SYNPO2: variants seen among roughly 807,000 people sequenced by gnomAD.
SYNPO2 encodes the protein synaptopodin-2.
SYNPO2 carries 56 observed loss-of-function variants against 85.0 expected under a neutral mutation model. That is an observed-to-expected ratio of 0.66 (90% CI 0.53 to 0.82). SYNPO2 has a LOEUF of 0.82. SYNPO2 is among the 40% of genes least tolerant of loss of function. SYNPO2 has a pLI of 0.00. For missense variants in SYNPO2, 1,575 were observed against 1,534.2 expected, an observed-to-expected ratio of 1.03 and a Z score of -0.44; for synonymous variants, 602 against 591.1, an observed-to-expected ratio of 1.02 and a Z score of -0.27.
rs112123346 is a variant in SYNPO2, at chr4:119,011,669, A to G, written c.106-11761A>G. Among the ~76,000 whole-genome samples the G allele has an allele frequency of 5.8e-4, 89 of 152,358 alleles. 1 individual carries two copies. The highest frequency in any genetic ancestry group is 2.1e-3 in the African/African-American group (87 of 41,580). On this transcript the variant is annotated intron_variant, in intron 1 of 4. Transcript: ENST00000307142. ...TTGACCCAGGTATTAAGAAAAGTTG[A>G]TACAGACATTTGGGTAAAATTCAAT...
At chr4:119,025,014 A>G (rs1283965809) in intron 2 of SYNPO2, among the ~76,000 whole-genome samples, 1 of 152,232 alleles carries the variant, frequency 6.6e-6, no homozygotes, top group Non-Finnish European at 1.5e-5. Flanking sequence ...TAAATTGTGG[A>G]CTTGATGAAT....
chr4:118,950,188 C>A lies in SYNPO2; in HGVS notation c.105+61047C>A, dbSNP rs1734650755. ...ATTTGTAATAAGTTTTAGTGTATAACACCCACAAAAGGCAAGTATATTTAA... is the reference window on the plus strand; with the variant it reads ...ATTTGTAATAAGTTTTAGTGTATAAAACCCACAAAAGGCAAGTATATTTAA... On this transcript the variant is annotated intron_variant, in intron 1 of 4. Transcript: ENST00000307142. 2.6e-5 allele frequency among the ~76,000 whole-genome samples: 4 copies of A among 152,174 alleles called. No homozygotes were observed. In the South Asian group the frequency reaches 8.3e-4, roughly 32 times the overall value.
chr4:118,913,176 A>G (rs1404463933), intron 1 of SYNPO2, among the ~76,000 whole-genome samples: 2 of 152,228 alleles, frequency 1.3e-5, no homozygotes, highest in Non-Finnish European at 2.9e-5. Context: ...TAACTATTAT[A>G]CAAGATGACA....
At chr4:119,045,723 C>T (rs1245064633) in intron 4 of SYNPO2, among the ~76,000 whole-genome samples, 1 of 152,136 alleles carries the variant, frequency 6.6e-6, no homozygotes, top group Non-Finnish European at 1.5e-5. Flanking sequence ...TTAAACTAGA[C>T]TTTTATGAAA....
chr4:118,864,003 T>A (rs1382059807), intron 1 of SYNPO2, among the ~76,000 whole-genome samples: 1 of 152,236 alleles, frequency 6.6e-6, no homozygotes, highest in East Asian at 1.9e-4. Context: ...ATTTTGGGTT[T>A]GGTTTGCTCT....
At chr4:118,921,291 T>C (rs922530118) in intron 1 of SYNPO2, among the ~76,000 whole-genome samples, 1 of 152,158 alleles carries the variant, frequency 6.6e-6, no homozygotes, top group Non-Finnish European at 1.5e-5. Flanking sequence ...CTCTACATGC[T>C]ATCCCTTAGA....
upstream of SYNPO2, among the ~76,000 whole-genome samples, chr4:118,885,789 T>C (rs1732188757): frequency 6.6e-6 from 1 of 152,188 alleles, no homozygotes; most frequent in Admixed American, 6.5e-5. Context: ...GCCAGATCCA[T>C]AGGTCTTAAT....
intron 4 of SYNPO2, among the ~76,000 whole-genome samples, chr4:119,047,688 C>T (rs1365306072): frequency 6.6e-6 from 1 of 152,164 alleles, no homozygotes; most frequent in Non-Finnish European, 1.5e-5. Context: ...TCTAAACCAC[C>T]TCAAGGGAGC....
intron 1 of SYNPO2, among the ~76,000 whole-genome samples, chr4:118,900,695 CTCTCTCTCTATATATATA>C (rs1326884425): frequency 3.4e-3 from 143 of 42,022 alleles, no homozygotes; most frequent in South Asian, 7.0e-3. Context: ...CTCTCTCTCT[CTCTCTCTCTATATATATA>C]TATATATATA....
chr4:118,975,217 C>T (rs1001267475), intron 1 of SYNPO2, among the ~76,000 whole-genome samples: 2 of 152,146 alleles, frequency 1.3e-5, no homozygotes, highest in African/African-American at 4.8e-5. Flanking sequence ...GCTAAAGGAG[C>T]TAGACAAAGA....
chr4:118,915,077 C>T (rs1258262493), intron 1 of SYNPO2, among the ~76,000 whole-genome samples: 1 of 150,304 alleles, frequency 6.7e-6, no homozygotes, highest in African/African-American at 2.4e-5. Flanking sequence ...GCATTTGAGC[C>T]ATAGATCATG....
At chr4:119,011,070 G>A (rs1271385356) in intron 1 of SYNPO2, among the ~76,000 whole-genome samples, 6 of 152,174 alleles carry the variant, frequency 3.9e-5, no homozygotes, top group Non-Finnish European at 1.5e-5. Flanking sequence ...AGCATGACTG[G>A]CTTTAAAACG....
intron 1 of SYNPO2, among the ~76,000 whole-genome samples, chr4:118,895,237 T>C (rs1009041386): frequency 7.2e-5 from 11 of 152,192 alleles, no homozygotes; most frequent in African/African-American, 2.7e-4. Flanking sequence ...CCCTAGTCAC[T>C]GTGGCCAGGC....
In SYNPO2 at chr4:119,057,394, T is replaced by C. The variant is rs371470517; in HGVS notation, c.3253-7T>C. ...ATGAGATATATTAATATTTTCATTGTTTTTAGGAGAGTGGGCGCTCCCTTT... is the reference window on the plus strand; with the variant it reads ...ATGAGATATATTAATATTTTCATTGCTTTTAGGAGAGTGGGCGCTCCCTTT... On this transcript the variant is annotated splice_region_variant and splice_polypyrimidine_tract_variant and intron_variant, in intron 4 of 4. Coordinates refer to ENST00000307142, the MANE Select transcript of SYNPO2 (RefSeq NM_133477.3). The C allele has an allele frequency of 5.1e-6, 8 of 1,563,062 alleles. No homozygotes were observed. In the African/African-American group the frequency reaches 9.7e-5, roughly 19 times the overall value.
At chr4:119,014,144 C>A (rs1322425306) in intron 1 of SYNPO2, among the ~76,000 whole-genome samples, 2 of 152,158 alleles carry the variant, frequency 1.3e-5, no homozygotes, top group Non-Finnish European at 2.9e-5. Context: ...ATTTACAGAC[C>A]AGACACGGTG....
chr4:119,027,386 A>G lies in SYNPO2; in HGVS notation c.1017A>G (p.Pro339=). 1.2e-6 allele frequency: 2 copies of G among 1,612,814 alleles called. No individual in the cohort carries two copies. Among genetic ancestry groups the G allele is most frequent in the South Asian group, 1.1e-5 (1 of 91,062 alleles). Residue 339 remains proline, a synonymous_variant, in exon 3 of 5, where the codon CCA becomes CCG. Transcript: ENST00000307142. ...SSEGTEQGED[P]RSEKDHSRPH... is the part of the protein sequence containing the mutation. Reference sequence around the variant, plus strand: ...AAGGCACAGAGCAGGGAGAAGATCCACGCTCGGAAAAAGATCACAGCAGAC... The same window carrying G: ...AAGGCACAGAGCAGGGAGAAGATCCGCGCTCGGAAAAAGATCACAGCAGAC...
At chr4:119,023,604 T>A in intron 2 of SYNPO2, 23 bp downstream of exon 2, 3 of 1,602,208 alleles carry the variant, frequency 1.9e-6, no homozygotes, top group Non-Finnish European at 2.6e-6. Context: ...TGCTGGAATA[T>A]GTATTTTCTC....
At chr4:118,943,283 G>GA (rs1734383567) in intron 1 of SYNPO2, among the ~76,000 whole-genome samples, 1 of 152,088 alleles carries the variant, frequency 6.6e-6, no homozygotes, top group Non-Finnish European at 1.5e-5. Context: ...AGCCCTAAGG[G>GA]GAAAAGTAAT....
intron 4 of SYNPO2, among the ~76,000 whole-genome samples, chr4:119,055,713 A>C (rs569545051): frequency 1.3e-5 from 2 of 152,328 alleles, no homozygotes; most frequent in Admixed American, 1.3e-4. Flanking sequence ...CCAAATATAG[A>C]GTAAGGAGAA....
Sources: gnomAD v4.1 joint callset for allele counts (sites outside exome capture counted in the v4.1 genomes callset) on GRCh38, gnomAD v4.1.1 for gene constraint, MANE v1.5 for transcripts, NCBI Gene and HGNC (gene_info 2026-07-23, HGNC 2026-07-21) for gene names.